The following GRIP1 variants were observed in gnomAD, a reference collection of about 807,000 sequenced individuals.
GRIP1 encodes the protein glutamate receptor interacting protein 1.
Under a neutral mutation model 129.9 loss-of-function variants are expected in GRIP1, and 45 were observed. The ratio of observed to expected loss-of-function variants is 0.35; its 90% CI spans 0.27 to 0.44. The LOEUF is 0.44. GRIP1 is among the 20% of genes least tolerant of loss of function. The pLI, the probability that GRIP1 is intolerant of heterozygous loss-of-function variation, is 1.00. For missense variants in GRIP1, 1,196 were observed against 1,396.8 expected, an observed-to-expected ratio of 0.86 and a Z score of 2.29; for synonymous variants, 530 against 520.8, an observed-to-expected ratio of 1.02 and a Z score of -0.24.
At chr12:66,467,607 T>G (rs541479875) in intron 7 of GRIP1, among the ~76,000 whole-genome samples, 2 of 152,280 alleles carry the variant, frequency 1.3e-5, no homozygotes, top group South Asian at 4.1e-4. Context: ...ACTAAGGTGG[T>G]TAGTTTTGCC....
intron 1 of GRIP1, among the ~76,000 whole-genome samples, chr12:67,047,045 T>A (rs1282334262): frequency 1.3e-5 from 2 of 152,202 alleles, no homozygotes; most frequent in Non-Finnish European, 2.9e-5. Flanking sequence ...AGTTTTTATC[T>A]GTTCAATACA....
At chr12:66,527,559 G>A (rs2061293896) in intron 5 of GRIP1, among the ~76,000 whole-genome samples, 1 of 152,130 alleles carries the variant, frequency 6.6e-6, no homozygotes, top group Middle Eastern at 3.4e-3. Flanking sequence ...AGCATTAGGA[G>A]ATATACCTAA....
At chr12:67,043,239 T>A (rs2043205552) in intron 1 of GRIP1, among the ~76,000 whole-genome samples, 1 of 152,192 alleles carries the variant, frequency 6.6e-6, no homozygotes, top group South Asian at 2.1e-4. Flanking sequence ...GAATTAAGTA[T>A]TCATCTTTAT....
At chr12:67,018,819 G>A (rs1001059970) in intron 1 of GRIP1, among the ~76,000 whole-genome samples, 2 of 152,070 alleles carry the variant, frequency 1.3e-5, no homozygotes, top group Admixed American at 1.3e-4. Context: ...TGGGATATGT[G>A]ACTAAAAACA....
chr12:66,401,607 T>TAC (rs1347707196), intron 16 of GRIP1, among the ~76,000 whole-genome samples: 1 of 121,370 alleles, frequency 8.2e-6, no homozygotes, highest in African/African-American at 3.6e-5. Flanking sequence ...TGTATATATA[T>TAC]ATACACACAC....
At chr12:66,716,990 A>G (rs1351521982) in intron 1 of GRIP1, among the ~76,000 whole-genome samples, 1 of 152,108 alleles carries the variant, frequency 6.6e-6, no homozygotes, top group Admixed American at 6.6e-5. Flanking sequence ...ATTGCTGAGA[A>G]CCTGATTACT....
chr12:66,466,304 T>C (rs1342603942), intron 7 of GRIP1, among the ~76,000 whole-genome samples: 2 of 152,208 alleles, frequency 1.3e-5, no homozygotes, highest in Non-Finnish European at 2.9e-5. Flanking sequence ...ATTGTAAACA[T>C]GCTTGAAGGT....
chr12:67,014,213 T>G (rs2042750967), intron 1 of GRIP1, among the ~76,000 whole-genome samples: 1 of 152,162 alleles, frequency 6.6e-6, no homozygotes, highest in Admixed American at 6.6e-5. Flanking sequence ...GATTTTATAT[T>G]AGCTGTGACA....
At chr12:66,875,033 A>T (rs562796239) in intron 1 of GRIP1, among the ~76,000 whole-genome samples, 1 of 152,154 alleles carries the variant, frequency 6.6e-6, no homozygotes, top group Admixed American at 6.5e-5. Flanking sequence ...TAAAGATAGG[A>T]ACCATGTTTT....
chr12:66,444,835 G>C (rs1200320845), intron 12 of GRIP1, 106 bp from the exon 13 acceptor site: 37 of 1,216,792 alleles, frequency 3.0e-5, no homozygotes, highest in Non-Finnish European at 4.4e-5. Flanking sequence ...ATCATAATTT[G>C]GTCTTGCTTA....
At chr12:66,446,104 A>ACCCCGCCCCCCC (rs2058621628) in intron 11 of GRIP1, among the ~76,000 whole-genome samples, 2 of 63,500 alleles carry the variant, frequency 3.1e-5, no homozygotes, top group African/African-American at 1.8e-4. Context: ...GCCGCCCCCC[A>ACCCCGCCCCCCC]CCACCACCCC....
chr12:67,058,961 T>C (rs1206652762), intron 1 of GRIP1, among the ~76,000 whole-genome samples: 1 of 152,228 alleles, frequency 6.6e-6, no homozygotes, highest in African/African-American at 2.4e-5. Context: ...TCAAAACTCC[T>C]TGACGAGTAC....
intron 5 of GRIP1, among the ~76,000 whole-genome samples, chr12:66,524,672 T>A (rs1267360644): frequency 3.3e-5 from 5 of 151,892 alleles, no homozygotes; most frequent in Non-Finnish European, 7.4e-5. Flanking sequence ...AAGAAATAAC[T>A]AAAATCAGAG....
chr12:66,521,414 A>C (rs963762654), intron 5 of GRIP1, among the ~76,000 whole-genome samples: 1 of 152,336 alleles, frequency 6.6e-6, no homozygotes, highest in African/African-American at 2.4e-5. Context: ...GTTTAATTTT[A>C]ATTAATGTTT....
At chr12:66,521,835 C>T (rs1458631137) in intron 5 of GRIP1, among the ~76,000 whole-genome samples, 3 of 152,332 alleles carry the variant, frequency 2.0e-5, no homozygotes, top group African/African-American at 7.2e-5. Context: ...GCTTAAAAAA[C>T]AGCACACCAG....
intron 22 of GRIP1, chr12:66,372,444 G>A (rs2055561899): frequency 5.0e-6 from 1 of 198,208 alleles, no homozygotes; most frequent in East Asian, 1.2e-4. Flanking sequence ...CCCAAGCTTC[G>A]TCTAGACTGT....
chr12:66,415,071 C>G (rs111249150), intron 15 of GRIP1, among the ~76,000 whole-genome samples: 2 of 151,888 alleles, frequency 1.3e-5, no homozygotes, highest in Admixed American at 6.6e-5. Flanking sequence ...GACATAGGCA[C>G]AGGCAAAGAT....
At chr12:66,716,759 G>A (rs1372670646) in intron 1 of GRIP1, among the ~76,000 whole-genome samples, 2 of 151,930 alleles carry the variant, frequency 1.3e-5, no homozygotes, top group Admixed American at 6.6e-5. Context: ...AGGCACTTAG[G>A]AGTGGCAGAA....
At chr12:66,967,009 T>G (rs1005999005) in intron 1 of GRIP1, among the ~76,000 whole-genome samples, 2 of 152,204 alleles carry the variant, frequency 1.3e-5, no homozygotes, top group South Asian at 2.1e-4. Context: ...CATTTATTTA[T>G]TTTTTGTATA....
Sources: allele counts gnomAD v4.1 joint callset (sites outside exome capture counted in the v4.1 genomes callset), GRCh38; gene constraint gnomAD v4.1.1; transcripts MANE v1.5; gene names NCBI Gene and HGNC (gene_info 2026-07-23, HGNC 2026-07-21).